TP53AIP1: variants seen among roughly 807,000 people sequenced by gnomAD.
TP53AIP1 encodes the protein p53-regulated apoptosis-inducing protein 1.
Under a neutral mutation model 9.5 loss-of-function variants are expected in TP53AIP1, and 14 were observed. That is an observed-to-expected ratio of 1.47 (90% CI 0.97 to 2.30). The LOEUF (loss-of-function observed/expected upper bound fraction) is 2.30. Among genes scored for constraint, TP53AIP1 ranks in the 30% most tolerant of loss-of-function variants. The pLI, the probability that TP53AIP1 is intolerant of heterozygous loss-of-function variation, is 0.00. For missense variants in TP53AIP1, 153 were observed against 146.7 expected (o/e 1.04, Z -0.22); for synonymous variants, 73 against 61.2 (o/e 1.19, Z -0.90).
chr11:128,940,014 T>G lies in TP53AIP1; in HGVS notation c.-76-2120A>C, dbSNP rs552265188. Among the ~76,000 whole-genome samples, 581 of 152,238 alleles carry G rather than the reference T, an allele frequency of 3.8e-3. 2 individuals carry two copies. Among genetic ancestry groups the G allele is most frequent in the African/African-American group, 0.013 (556 of 41,532 alleles). On this transcript the variant is annotated intron_variant, in intron 1 of 3. Coordinates refer to ENST00000531399, the MANE Select transcript of TP53AIP1 (RefSeq NM_022112.3). ...CACTTCCAGCTGCCATGCAAACTCA[T>G]CATGCACCCAGCCCCCCCTTGCTCC... is the stretch of plus-strand genomic sequence containing the variant.
In TP53AIP1 at chr11:128,939,901, G is replaced by C. The variant is rs1184422005; in HGVS notation, c.-76-2007C>G. Among the ~76,000 whole-genome samples, 1 of 152,166 alleles carries C rather than the reference G, an allele frequency of 6.6e-6. No homozygotes were observed. The highest frequency in any genetic ancestry group is 2.4e-5 in the African/African-American group (1 of 41,428). On this transcript the variant is annotated intron_variant, in intron 1 of 3. Coordinates refer to ENST00000531399, the MANE Select transcript of TP53AIP1 (RefSeq NM_022112.3). This position sits in a 1 kb window ranked among gnomAD's most constrained non-coding sequence, Gnocchi z 4.1. ...TGTTTGAAAAGTGAAGCGTTAACAC[G>C]AAGGAGGGTCCCAGCGGAGTTCATG...
In TP53AIP1 at chr11:128,935,455, A is replaced by AG. The variant is rs1281564326; in HGVS notation, c.*135dup. On this transcript the variant is annotated 3_prime_UTR_variant, in exon 4 of 4. Coordinates refer to ENST00000531399, the MANE Select transcript of TP53AIP1 (RefSeq NM_022112.3). ...AGCCACCCAACTGGCCCAGTGGTCA[A>AG]GGGGGGAAATGAGGTGGCCGCTAGT... 1.6e-5 allele frequency: 23 copies of AG among 1,431,854 alleles called. No homozygotes were observed. Among genetic ancestry groups the AG allele is most frequent in the Admixed American group, 8.2e-5 (3 of 36,402 alleles). 88.7% of individuals were successfully genotyped at this position (1,431,854 alleles called of 1,614,324 possible). A position where few individuals can be genotyped will look rare whatever the true frequency, so the allele number is the denominator to read the frequency against.
intron 1 of TP53AIP1, among the ~76,000 whole-genome samples, chr11:128,941,076 G>A (rs375315852): frequency 3.8e-4 from 54 of 143,038 alleles, no homozygotes; most frequent in African/African-American, 1.2e-3. Context: ...GATGAGGAGA[G>A]CCAGGCTGGC....
At position 128,936,558 on chromosome 11, in the gene TP53AIP1, G is replaced by A; in HGVS notation, c.233C>T (p.Ala78Val). ...CACACCTGTCAGGATCCAGACAGTT[G>A]CTGAGGACCAAGATCCAGACGAGAC... is the stretch of plus-strand genomic sequence containing the variant. ...LSVSSGSWSS[A>V]TVWILTGLGL... Residue 78 changes from alanine (A) to valine (V), a missense_variant, in exon 3 of 4, where the codon GCA (alanine) becomes GTA (valine). By Grantham distance (64) the Ala-to-Val change is moderately conservative. Coordinates refer to ENST00000531399, the MANE Select transcript of TP53AIP1 (RefSeq NM_022112.3). 1 of 1,580,454 alleles carries A rather than the reference G, an allele frequency of 6.3e-7. No homozygotes were observed. Among genetic ancestry groups the A allele is most frequent in the Admixed American group, 1.7e-5 (1 of 57,574 alleles).
At position 128,937,427 on chromosome 11, in the gene TP53AIP1, T is replaced by C; in HGVS notation, c.141+251A>G. ...TTTCTCAGAAAACCTTTCTGCCTCC[T>C]AGAAACCCAGGATTCCGAGGAGGAG... On this transcript the variant is annotated intron_variant, in intron 2 of 3. Transcript: ENST00000531399. This position sits in a 1 kb window ranked among gnomAD's most constrained non-coding sequence, Gnocchi z 4.8. 6.8e-7 allele frequency: 1 copy of C among 1,468,848 alleles called. No homozygotes were observed. The highest frequency in any genetic ancestry group is 9.0e-7 in the Non-Finnish European group (1 of 1,111,866). The allele number at this position is 1,468,848 out of a possible 1,614,324, so 91.0% of individuals were successfully genotyped here.
intron 1 of TP53AIP1, among the ~76,000 whole-genome samples, 185 bp from the exon 2 acceptor site, chr11:128,938,079 G>A (rs1311479684): frequency 6.6e-6 from 1 of 152,154 alleles, no homozygotes; most frequent in Non-Finnish European, 1.5e-5. Context: ...AACTCAAACT[G>A]AAGCCATTTG....
In TP53AIP1 at chr11:128,939,645, C is replaced by T. The variant is rs895036436; in HGVS notation, c.-76-1751G>A. ...AACAAAAGGGATCCCCTTTCCAACC[C>T]GAAACTGTCGGATTCTCTAAGAGGT... On this transcript the variant is annotated intron_variant, in intron 1 of 3. Transcript: ENST00000531399. This position sits in a 1 kb window ranked among gnomAD's most constrained non-coding sequence, Gnocchi z 4.1. 1.3e-5 allele frequency among the ~76,000 whole-genome samples: 2 copies of T among 152,192 alleles called. No homozygotes were observed. Among genetic ancestry groups the T allele is most frequent in the East Asian group, 1.9e-4 (1 of 5,194 alleles).
In TP53AIP1 at chr11:128,936,569, A is replaced by C. The variant is rs945510270; in HGVS notation, c.222T>G (p.Ser74=). 6.3e-7 allele frequency: 1 copy of C among 1,584,864 alleles called. No individual in the cohort carries two copies. Among genetic ancestry groups the C allele is most frequent in the Non-Finnish European group, 8.5e-7 (1 of 1,173,560 alleles). ...GGATCCAGACAGTTGCTGAGGACCA[A>C]GATCCAGACGAGACTGACAGAGCTT... ...GIEALSVSSG[S]WSSATVWILT... is the part of the protein sequence containing the mutation. The change falls in exon 3 of 4, where the codon TCT becomes TCG. Residue 74 remains serine (S), a synonymous_variant. Coordinates refer to ENST00000531399, the MANE Select transcript of TP53AIP1 (RefSeq NM_022112.3).
rs1037076947 is a variant in TP53AIP1, at chr11:128,939,493, A to G, written c.-76-1599T>C. Among the ~76,000 whole-genome samples the G allele has an allele frequency of 6.6e-6, 1 of 152,220 alleles. No individual in the cohort carries two copies. Among genetic ancestry groups the G allele is most frequent in the African/African-American group, 2.4e-5 (1 of 41,456 alleles). On this transcript the variant is annotated intron_variant, in intron 1 of 3. Coordinates refer to ENST00000531399, the MANE Select transcript of TP53AIP1 (RefSeq NM_022112.3). This position sits in a 1 kb window ranked among gnomAD's most constrained non-coding sequence, Gnocchi z 4.1. ...CTACACCTCCGTCTTCCAGCCACTG[A>G]AAACAGGATTCTCCAGAGTTCACAC...
intron 3 of TP53AIP1, chr11:128,936,151 T>G: frequency 1.9e-6 from 2 of 1,035,698 alleles, no homozygotes; most frequent in Non-Finnish European, 2.3e-6. Context: ...AGTCAGGATT[T>G]GAACCCAGAC....
chr11:128,937,678 C>T lies in TP53AIP1; in HGVS notation c.141G>A (p.Trp47Ter). ...CTCGGTTTTCACTGCAGGGACTTAC[C>T]CAGCCAGGTGTGTGTGTCTGAGCCC... The part of the protein sequence containing the change: ...NGRAQTHTPG[W>*]VSDPLVLGAQ... The change falls in exon 2 of 4, where the codon TGG becomes TGA. Residue 47 changes from tryptophan (W) to a stop codon, truncating the protein, a stop_gained and splice_region_variant. Transcript: ENST00000531399. LOFTEE classifies it high-confidence loss of function. The surrounding 1 kb of genome is among the most constrained non-coding windows in gnomAD (Gnocchi z 4.8). The T allele has an allele frequency of 1.2e-6, 2 of 1,614,160 alleles. No individual in the cohort carries two copies. Among genetic ancestry groups the T allele is most frequent in the Non-Finnish European group, 1.7e-6 (2 of 1,180,028 alleles).
At chr11:128,938,979 G>A (rs1024335333) in intron 1 of TP53AIP1, among the ~76,000 whole-genome samples, 2 of 152,074 alleles carry the variant, frequency 1.3e-5, no homozygotes, top group African/African-American at 2.4e-5. Context: ...TAGTCAATTC[G>A]GACCAGTTTG....
chr11:128,937,796 C>T lies in TP53AIP1; in HGVS notation c.23G>A (p.Ser8Asn). The change falls in exon 2 of 4, where the codon AGC (serine) becomes AAC (asparagine). Residue 8 changes from serine to asparagine, a missense_variant. Ser to Asn is a conservative substitution (Grantham distance 46, BLOSUM62 1). Coordinates refer to ENST00000531399, the MANE Select transcript of TP53AIP1 (RefSeq NM_022112.3). The surrounding 1 kb of genome is among the most constrained non-coding windows in gnomAD (Gnocchi z 4.8). MGSSSEA[S>N]FRSAQASCSG... ...GCAGGAAGCTTGAGCAGATCTGAAG[C>T]TCGCCTCAGAGGAAGATCCCATCCA... is the stretch of plus-strand genomic sequence containing the variant. 6.2e-7 allele frequency: 1 copy of T among 1,612,460 alleles called. No homozygotes were observed. The highest frequency in any genetic ancestry group is 8.5e-7 in the Non-Finnish European group (1 of 1,179,380).
intron 1 of TP53AIP1, among the ~76,000 whole-genome samples, chr11:128,941,183 A>G (rs527736092): frequency 7.7e-4 from 117 of 152,228 alleles, no homozygotes; most frequent in African/African-American, 2.8e-3. Context: ...CTCAGCATCC[A>G]CTTTCCCTCT....
At chr11:128,941,728 G>T (rs1944946744) in intron 1 of TP53AIP1, among the ~76,000 whole-genome samples, 1 of 152,230 alleles carries the variant, frequency 6.6e-6, no homozygotes, top group African/African-American at 2.4e-5. Flanking sequence ...TGCTCCCTGA[G>T]GAGGGTTTGC....
At chr11:128,942,312 C>T (rs10893937) in intron 1 of TP53AIP1, among the ~76,000 whole-genome samples, 1 of 152,024 alleles carries the variant, frequency 6.6e-6, no homozygotes, top group African/African-American at 2.4e-5. Flanking sequence ...AGGGGCCCTG[C>T]TCAGTGTCCA....
chr11:128,942,144 C>T (rs1043793300), intron 1 of TP53AIP1, among the ~76,000 whole-genome samples: 3 of 152,202 alleles, frequency 2.0e-5, no homozygotes, highest in Non-Finnish European at 4.4e-5. Flanking sequence ...CACCACCAAC[C>T]ACAGGTAGCT....
chr11:128,937,098 G>A lies in TP53AIP1; in HGVS notation c.142-449C>T, dbSNP rs779569285. 8.2e-5 allele frequency: 86 copies of A among 1,045,022 alleles called. No homozygotes were observed. Among genetic ancestry groups the A allele is most frequent in the African/African-American group, 1.0e-4 (6 of 59,146 alleles). The allele number at this position is 1,045,022 out of a possible 1,614,324, so 64.7% of individuals were successfully genotyped here. A position where few individuals can be genotyped will look rare whatever the true frequency, so the allele number is the denominator to read the frequency against. On this transcript the variant is annotated intron_variant, in intron 2 of 3. Transcript: ENST00000531399. This position sits in a 1 kb window ranked among gnomAD's most constrained non-coding sequence, Gnocchi z 4.8. The stretch of plus-strand genomic sequence containing the variant: ...CCTGTGTCTGCTTCCGGAGCCATGC[G>A]CTGCCTGTGCTGGGATGAATGCATG...
chr11:128,941,422 T>C (rs1003617263), intron 1 of TP53AIP1, among the ~76,000 whole-genome samples: 2 of 152,180 alleles, frequency 1.3e-5, no homozygotes, highest in African/African-American at 4.8e-5. Flanking sequence ...CAAAAGACCA[T>C]TCACATTGTA....
Sources: allele counts gnomAD v4.1 joint callset (sites outside exome capture counted in the v4.1 genomes callset), GRCh38; gene constraint gnomAD v4.1.1; non-coding constraint Gnocchi (gnomAD v3.1); transcripts MANE v1.5; gene names NCBI Gene and HGNC (gene_info 2026-07-23, HGNC 2026-07-21).